The following ZAR1 variants were observed in gnomAD, a reference collection of about 807,000 sequenced individuals.
The protein encoded by ZAR1 is zygote arrest 1.
A neutral mutation model predicts 38.3 loss-of-function variants in ZAR1; 37 were observed. The observed-to-expected ratio is 0.97, with a 90% CI of 0.74 to 1.27. The LOEUF (loss-of-function observed/expected upper bound fraction) is 1.27. ZAR1 is among the 50% of genes most tolerant of loss of function. The pLI is 0.00. For missense variants in ZAR1, 651 were observed against 632.4 expected (o/e 1.03, Z -0.32); for synonymous variants, 336 against 292.0 (o/e 1.15, Z -1.53).
Position 48,491,055 on chromosome 4 carries a change from AG to A in ZAR1, c.765del (p.Gln255HisfsTer24). 1 of 1,336,492 alleles carries A rather than the reference AG, an allele frequency of 7.5e-7. No homozygotes were observed. The highest frequency in any genetic ancestry group is 9.5e-7 in the Non-Finnish European group (1 of 1,049,256). 82.8% of individuals were successfully genotyped at this position (1,336,492 alleles called of 1,614,324 possible). A position where few individuals can be genotyped will look rare whatever the true frequency, so the allele number is the denominator to read the frequency against. On this transcript the variant is annotated frameshift_variant, in exon 1 of 4. Coordinates refer to ENST00000327939, the MANE Select transcript of ZAR1 (RefSeq NM_175619.3). LOFTEE classifies it high-confidence loss of function. ...GCCGCAGTCCGAGCGAGCTGGGAGC[AG>A]CCGGCCGACGGTCCCGAGCTGCCGC... Reference protein sequence around the residue: ...AQAAVRASWEQPADGPELPPR... With the variant: ...AQAAVRASWEXPADGPELPPR...
At chr4:48,494,995 T>C (rs1480116566), downstream of ZAR1, among the ~76,000 whole-genome samples, 1 of 152,190 alleles carries the variant, frequency 6.6e-6, no homozygotes, top group African/African-American at 2.4e-5. Context: ...ACCTATCAAG[T>C]AGACTTTGTG....
chr4:48,492,168 G>A (rs1296424429), intron 1 of ZAR1, among the ~76,000 whole-genome samples: 1 of 152,190 alleles, frequency 6.6e-6, no homozygotes, highest in African/African-American at 2.4e-5. Flanking sequence ...TGAATTAAGT[G>A]CTCCCCAGAG....
Position 48,490,460 on chromosome 4 carries a change from G to C in ZAR1, c.169G>C (p.Gly57Arg). 6.8e-7 allele frequency: 1 copy of C among 1,466,382 alleles called. No individual in the cohort carries two copies. Among genetic ancestry groups the C allele is most frequent in the African/African-American group, 1.5e-5 (1 of 67,850 alleles). The allele number at this position is 1,466,382 out of a possible 1,614,324, so 90.8% of individuals were successfully genotyped here. A position where few individuals can be genotyped will look rare whatever the true frequency, so the allele number is the denominator to read the frequency against. Reference sequence around the variant, plus strand: ...TCCCGCCTCCTCCCCCTGCTCGGCGGGCGCGGCCTCGTTGTCCTTCCCGGG... The same window carrying C: ...TCCCGCCTCCTCCCCCTGCTCGGCGCGCGCGGCCTCGTTGTCCTTCCCGGG... ...CLPASSPCSA[G>R]AASLSFPGCG... The change falls in exon 1 of 4, where the codon GGC (glycine) becomes CGC (arginine). Residue 57 changes from glycine to arginine, a missense_variant. Around this residue, in one of 2 missense-constraint regions of ZAR1, gnomAD observed 522 missense variants for 459.9 expected, o/e 1.14. Transcript: ENST00000327939.
At position 48,492,926 on chromosome 4, in the gene ZAR1, T is replaced by TTA; in HGVS notation, c.1057-11_1057-10insAT. The stretch of plus-strand genomic sequence containing the variant: ...CAAGGCGATTTTAAGTTTATCCTCT[T>TTA]TGTCATCACAGGTTTACTTCAAACA... On this transcript the variant is annotated splice_polypyrimidine_tract_variant and intron_variant, in intron 2 of 3. Coordinates refer to ENST00000327939, the MANE Select transcript of ZAR1 (RefSeq NM_175619.3). 6.2e-7 allele frequency: 1 copy of TTA among 1,614,210 alleles called. No homozygotes were observed. Among genetic ancestry groups the TTA allele is most frequent in the Non-Finnish European group, 8.5e-7 (1 of 1,180,016 alleles).
rs1273973059 is a variant in ZAR1 at position 48,490,445 on chromosome 4, TC to T, written c.159del (p.Cys54AlafsTer16). On this transcript the variant is annotated frameshift_variant, in exon 1 of 4. Coordinates refer to ENST00000327939, the MANE Select transcript of ZAR1 (RefSeq NM_175619.3). LOFTEE classifies it high-confidence loss of function. ...CGGCAGGGGCTGCCTTCCCGCCTCCTCCCCCTGCTCGGCGGGCGCGGCCTCG... is the reference window on the plus strand; with the variant it reads ...CGGCAGGGGCTGCCTTCCCGCCTCCTCCCCTGCTCGGCGGGCGCGGCCTCG... ...QRGRGCLPASSPCSAGAASLS... is the reference protein window; with the variant it reads ...QRGRGCLPASXPCSAGAASLS... 1 of 1,464,726 alleles carries T rather than the reference TC, an allele frequency of 6.8e-7. No homozygotes were observed. The highest frequency in any genetic ancestry group is 9.0e-7 in the Non-Finnish European group (1 of 1,114,936). 90.7% of individuals were successfully genotyped at this position (1,464,726 alleles called of 1,614,324 possible).
rs777329230 is a variant in ZAR1, at chr4:48,494,169, T to C, written c.1200T>C (p.Arg400=). Residue 400 remains arginine (R), a synonymous_variant, in exon 4 of 4, where the codon CGT becomes CGC. Coordinates refer to ENST00000327939, the MANE Select transcript of ZAR1 (RefSeq NM_175619.3). The part of the protein sequence containing the change: ...LRHVDPKRPH[R]QDLCGRCKGK... ...ACGTGGACCCTAAACGGCCCCACCG[T>C]CAAGATTTGTGCGGTAGATGCAAAG... 6.2e-7 allele frequency: 1 copy of C among 1,614,182 alleles called. No individual in the cohort carries two copies. The highest frequency in any genetic ancestry group is 2.2e-5 in the East Asian group (1 of 44,888).
rs1718431906 is a variant in ZAR1 at position 48,491,206 on chromosome 4, G to A, written c.915G>A (p.Gly305=). 1.6e-6 allele frequency: 2 copies of A among 1,234,456 alleles called. No homozygotes were observed. The highest frequency in any genetic ancestry group is 3.1e-5 in the African/African-American group (2 of 64,346). The allele number at this position is 1,234,456 out of a possible 1,614,324, so 76.5% of individuals were successfully genotyped here. The part of the protein sequence containing the change: ...DGREAAVAGE[G]PSPRSPELGK... ...GGGAGGCGGCCGTCGCGGGAGAGGG[G>A]CCGTCGCCACGGAGCCCGGAGCTGG... The change falls in exon 1 of 4, where the codon GGG becomes GGA. Residue 305 remains glycine, a synonymous_variant. Coordinates refer to ENST00000327939, the MANE Select transcript of ZAR1 (RefSeq NM_175619.3).
chr4:48,493,042 C>T, intron 3 of ZAR1, 30 bp downstream of exon 3: 5 of 1,606,786 alleles, frequency 3.1e-6, no homozygotes, highest in Non-Finnish European at 3.4e-6. Context: ...TTTTGTCTGA[C>T]CTGGGCAGTC....
Position 48,490,840 on chromosome 4 carries a change from GC to G in ZAR1, c.553del (p.Leu185TrpfsTer94), listed in dbSNP as rs1364451468. On this transcript the variant is annotated frameshift_variant, in exon 1 of 4. Transcript: ENST00000327939. LOFTEE classifies it high-confidence loss of function. ...RFPRTVAVYS[P>X]LALRRLTAFL... ...TCCCGCGCACCGTCGCCGTGTACTCGCCCCTGGCCTTGCGCCGTCTCACCGC... is the reference window on the plus strand; with the variant it reads ...TCCCGCGCACCGTCGCCGTGTACTCGCCCTGGCCTTGCGCCGTCTCACCGC... The G allele has an allele frequency of 6.7e-7, 1 of 1,494,956 alleles. No individual in the cohort carries two copies. Among genetic ancestry groups the G allele is most frequent in the Non-Finnish European group, 8.9e-7 (1 of 1,129,302 alleles). The allele number at this position is 1,494,956 out of a possible 1,614,324, so 92.6% of individuals were successfully genotyped here.
chr4:48,492,232 T>C (rs1490393776), intron 1 of ZAR1, among the ~76,000 whole-genome samples: 1 of 152,222 alleles, frequency 6.6e-6, no homozygotes, highest in Non-Finnish European at 1.5e-5. Context: ...ACTGCTTGCT[T>C]ACTGGGAGGG....
At chr4:48,496,635 A>G (rs1209394233), downstream of ZAR1, among the ~76,000 whole-genome samples, 1 of 152,234 alleles carries the variant, frequency 6.6e-6, no homozygotes, top group Non-Finnish European at 1.5e-5. Context: ...ATTACATTCA[A>G]GCAATGAAAA....
At position 48,493,005 on chromosome 4, in the gene ZAR1, C is replaced by G; in HGVS notation, c.1124C>G (p.Thr375Ser). 1 of 1,614,090 alleles carries G rather than the reference C, an allele frequency of 6.2e-7. No homozygotes were observed. The highest frequency in any genetic ancestry group is 8.5e-7 in the Non-Finnish European group (1 of 1,179,964). The change falls in exon 3 of 4, where the codon ACC becomes AGC. Residue 375 changes from threonine (T) to serine (S), a missense_variant. Around this residue, in one of 2 missense-constraint regions of ZAR1, gnomAD observed 129 missense variants for 172.5 expected, o/e 0.75. Coordinates refer to ENST00000327939, the MANE Select transcript of ZAR1 (RefSeq NM_175619.3). ...AACCCTTACCGAGTGGAGGATATCA[C>G]CTGTCAAGTAAATCAGATGTTTTGC... ...SYNPYRVEDITCQSCKQTRCS... is the reference protein window; with the variant it reads ...SYNPYRVEDISCQSCKQTRCS...
In ZAR1 at chr4:48,490,393, C is replaced by G. The variant is rs1261484477; in HGVS notation, c.102C>G (p.Gly34=). 2.7e-5 allele frequency: 40 copies of G among 1,495,258 alleles called. No homozygotes were observed. The highest frequency in any genetic ancestry group is 3.3e-5 in the Non-Finnish European group (37 of 1,127,578). 92.6% of individuals were successfully genotyped at this position (1,495,258 alleles called of 1,614,324 possible). ...YPYPAATKGK[G]AAGGSWQQRG... is the part of the protein sequence containing the mutation. ...ACCCCGCGGCCACCAAGGGCAAGGG[C>G]GCGGCGGGCGGCAGCTGGCAGCAGC... is the stretch of plus-strand genomic sequence containing the variant. Residue 34 remains glycine (G), a synonymous_variant, in exon 1 of 4, where the codon GGC becomes GGG. Transcript: ENST00000327939.
Position 48,493,012 on chromosome 4 carries a change from A to G in ZAR1, c.1131A>G (p.Gln377=), listed in dbSNP as rs769601191. The G allele has an allele frequency of 1.2e-6, 2 of 1,614,020 alleles. No individual in the cohort carries two copies. The highest frequency in any genetic ancestry group is 2.7e-5 in the African/African-American group (2 of 74,936). Reference sequence around the variant, plus strand: ...ACCGAGTGGAGGATATCACCTGTCAAGTAAATCAGATGTTTTGCATTTTGT... The same window carrying G: ...ACCGAGTGGAGGATATCACCTGTCAGGTAAATCAGATGTTTTGCATTTTGT... ...NPYRVEDITC[Q]SCKQTRCSCP... Residue 377 remains glutamine (Q), a splice_region_variant and synonymous_variant, in exon 3 of 4, where the codon CAA becomes CAG. Transcript: ENST00000327939.
In ZAR1 at chr4:48,490,685, C is replaced by G; in HGVS notation, c.394C>G (p.Arg132Gly). The change falls in exon 1 of 4, where the codon CGC (arginine) becomes GGC (glycine). Residue 132 changes from arginine to glycine, a missense_variant. Around this residue, in one of 2 missense-constraint regions of ZAR1, gnomAD observed 522 missense variants for 459.9 expected, o/e 1.14. Coordinates refer to ENST00000327939, the MANE Select transcript of ZAR1 (RefSeq NM_175619.3). ...LGRRTLQRRA[R>G]DPESPAGPGA... Reference sequence around the variant, plus strand: ...GAGGCGCACGCTGCAGCGCCGGGCCCGCGACCCCGAGTCCCCGGCCGGCCC... The same window carrying G: ...GAGGCGCACGCTGCAGCGCCGGGCCGGCGACCCCGAGTCCCCGGCCGGCCC... 7.6e-7 allele frequency: 1 copy of G among 1,314,660 alleles called. No individual in the cohort carries two copies. Among genetic ancestry groups the G allele is most frequent in the South Asian group, 2.1e-5 (1 of 47,192 alleles). The allele number at this position is 1,314,660 out of a possible 1,614,324, so 81.4% of individuals were successfully genotyped here.
chr4:48,496,250 T>G (rs1718602726), downstream of ZAR1, among the ~76,000 whole-genome samples: 1 of 152,088 alleles, frequency 6.6e-6, no homozygotes, highest in Non-Finnish European at 1.5e-5. Flanking sequence ...CAAGAACTGG[T>G]GTGGGTAAAG....
downstream of ZAR1, among the ~76,000 whole-genome samples, chr4:48,497,073 T>C (rs1296045186): frequency 1.3e-5 from 2 of 152,202 alleles, no homozygotes; most frequent in African/African-American, 4.8e-5. Context: ...TAAGAAATCC[T>C]GTGGTTTTGT....
In ZAR1 at chr4:48,490,902, A is replaced by G. The variant is rs1470082808; in HGVS notation, c.611A>G (p.Gln204Arg). The G allele has an allele frequency of 2.2e-6, 3 of 1,385,696 alleles. No individual in the cohort carries two copies. The highest frequency in any genetic ancestry group is 3.3e-5 in the Admixed American group (1 of 30,046). 85.8% of individuals were successfully genotyped at this position (1,385,696 alleles called of 1,614,324 possible). A position where few individuals can be genotyped will look rare whatever the true frequency, so the allele number is the denominator to read the frequency against. ...GGGCCCGGGCCCGCGGCGGGCGAGC[A>G]GAGGTCCGGGGCGTCGGACGGAGAG... ...LEGPGPAAGE[Q>R]RSGASDGERG... The change falls in exon 1 of 4, where the codon CAG becomes CGG. Residue 204 changes from glutamine to arginine, a missense_variant. This residue lies in a region of ZAR1 where 522 missense variants were observed against 459.9 expected (regional missense o/e 1.14). Transcript: ENST00000327939.
chr4:48,490,576 G>A lies in ZAR1; in HGVS notation c.285G>A (p.Gly95=). ...ALLAQVGPGL[G]PRARRAGSCD... is the part of the protein sequence containing the mutation. Reference sequence around the variant, plus strand: ...TGGCGCAGGTGGGGCCGGGTCTCGGGCCGCGCGCCCGCAGGGCCGGCAGCT... The same window carrying A: ...TGGCGCAGGTGGGGCCGGGTCTCGGACCGCGCGCCCGCAGGGCCGGCAGCT... The change falls in exon 1 of 4, where the codon GGG becomes GGA. Residue 95 remains glycine, a synonymous_variant. Coordinates refer to ENST00000327939, the MANE Select transcript of ZAR1 (RefSeq NM_175619.3). 2.1e-6 allele frequency: 3 copies of A among 1,397,904 alleles called. No individual in the cohort carries two copies. The highest frequency in any genetic ancestry group is 2.8e-6 in the Non-Finnish European group (3 of 1,086,476). 86.6% of individuals were successfully genotyped at this position (1,397,904 alleles called of 1,614,324 possible).
Sources: gnomAD v4.1 joint callset for allele counts (sites outside exome capture counted in the v4.1 genomes callset) on GRCh38, gnomAD v4.1.1 for gene constraint, gnomAD v4.1.1 regional missense constraint, MANE v1.5 for transcripts, NCBI Gene and HGNC (gene_info 2026-07-23, HGNC 2026-07-21) for gene names.